METTL15: variants seen among roughly 807,000 people sequenced by gnomAD.
METTL15 encodes methyltransferase 15, mitochondrial 12S rRNA N4-cytidine.
In METTL15, 34 loss-of-function variants were observed where a neutral mutation model predicts 38.3. The observed-to-expected ratio is 0.89, with a 90% CI of 0.68 to 1.18. METTL15 has a LOEUF of 1.18. METTL15 is among the 50% of genes most tolerant of loss of function. The probability of loss-of-function intolerance (pLI) is 0.00; values close to 1 mark genes in which losing one functional copy is unlikely to be tolerated. For synonymous variants in METTL15, 162 were observed against 170.9 expected (o/e 0.95, Z 0.41); for missense variants, 438 against 498.4 (o/e 0.88, Z 1.15).
chr11:28,439,435 C>A (rs1004265358), intron 6 of METTL15, among the ~76,000 whole-genome samples: 1 of 152,178 alleles, frequency 6.6e-6, no homozygotes, highest in African/African-American at 2.4e-5. Context: ...CACGAGAGCT[C>A]AAGAAAATTC....
At chr11:28,398,186 T>G (rs886940902) in intron 5 of METTL15, among the ~76,000 whole-genome samples, 8 of 151,982 alleles carry the variant, frequency 5.3e-5, no homozygotes, top group African/African-American at 1.9e-4. Context: ...AACCTGCACG[T>G]TGTGCACATG....
chr11:28,365,850 G>A (rs752473755), intron 5 of METTL15, among the ~76,000 whole-genome samples: 2 of 152,150 alleles, frequency 1.3e-5, no homozygotes, highest in Non-Finnish European at 2.9e-5. Flanking sequence ...AGGAGAGTGA[G>A]ACCTTCCTGG....
chr11:28,122,070 T>C, intron 3 of METTL15: 1 of 927,778 alleles, frequency 1.1e-6, no homozygotes, highest in Non-Finnish European at 1.4e-6. Flanking sequence ...AGTTATAGTT[T>C]ATTAAAACTG....
At chr11:28,388,652 G>A (rs1210571898) in intron 5 of METTL15, among the ~76,000 whole-genome samples, 1 of 151,940 alleles carries the variant, frequency 6.6e-6, no homozygotes, top group African/African-American at 2.4e-5. Flanking sequence ...CAGACTCAAT[G>A]CAATCTCCAT....
intron 6 of METTL15, among the ~76,000 whole-genome samples, chr11:28,491,562 A>G (rs1851494764): frequency 6.6e-6 from 1 of 152,082 alleles, no homozygotes; most frequent in African/African-American, 2.4e-5. Flanking sequence ...AGCAGTTGCA[A>G]AAATAGAGGG....
chr11:28,382,473 T>G (rs1338287687), intron 5 of METTL15, among the ~76,000 whole-genome samples: 1 of 152,112 alleles, frequency 6.6e-6, no homozygotes, highest in Admixed American at 6.6e-5. Context: ...ATGTAGAAAC[T>G]GTGAGTCAGG....
rs1310737870 is a variant in METTL15 at position 28,305,211 on chromosome 11, G to GA, written c.778+8287dup. On this transcript the variant is annotated intron_variant, in intron 6 of 6. Transcript: ENST00000407364. ...CCAACTCAGAAGGGAATGGAATGTG[G>GA]AAAAAAAGAAAGAAAACCTGAGTAA... is the stretch of plus-strand genomic sequence containing the variant. Among the ~76,000 whole-genome samples the GA allele has an allele frequency of 2.6e-5, 4 of 152,092 alleles. No homozygotes were observed. The South Asian group carries it at 6.2e-4, about 24-fold the overall frequency.
intron 4 of METTL15, among the ~76,000 whole-genome samples, chr11:28,244,704 G>T (rs994013819): frequency 6.6e-6 from 1 of 152,150 alleles, no homozygotes; most frequent in East Asian, 1.9e-4. Flanking sequence ...TGGGACAAAG[G>T]TATACACTTT....
intron 5 of METTL15, among the ~76,000 whole-genome samples, chr11:28,413,499 A>G (rs1850747290): frequency 6.6e-6 from 1 of 152,174 alleles, no homozygotes; most frequent in Non-Finnish European, 1.5e-5. Flanking sequence ...TTCTCCACAT[A>G]GAAAACACTC....
At chr11:28,341,699 G>A (rs990644172) in intron 3 of METTL15, among the ~76,000 whole-genome samples, 7 of 152,000 alleles carry the variant, frequency 4.6e-5, no homozygotes, top group South Asian at 2.1e-4. Context: ...TTTAGTTACC[G>A]TTGTACTAGT....
At chr11:28,239,436 C>G (rs1272450354) in intron 4 of METTL15, among the ~76,000 whole-genome samples, 1 of 152,224 alleles carries the variant, frequency 6.6e-6, no homozygotes, top group African/African-American at 2.4e-5. Context: ...TTGACCCCTA[C>G]TTATCACCTT....
At chr11:28,188,017 C>T (rs959475614) in intron 3 of METTL15, among the ~76,000 whole-genome samples, 2 of 151,274 alleles carry the variant, frequency 1.3e-5, no homozygotes, top group African/African-American at 2.4e-5. Flanking sequence ...TAGCCATGTA[C>T]TCTTAGAGGT....
chr11:28,321,688 A>G (rs1374538374), intron 6 of METTL15, among the ~76,000 whole-genome samples: 1 of 152,100 alleles, frequency 6.6e-6, no homozygotes. Context: ...AGCAATTAAT[A>G]CATTGGAATA....
chr11:28,419,059 C>T (rs1041608875), intron 5 of METTL15, among the ~76,000 whole-genome samples: 7 of 152,180 alleles, frequency 4.6e-5, no homozygotes, highest in South Asian at 2.1e-4. Context: ...GGGGAGCATG[C>T]GACCTAGTGA....
chr11:28,214,954 G>A (rs1011996078), intron 4 of METTL15, among the ~76,000 whole-genome samples: 26 of 152,262 alleles, frequency 1.7e-4, no homozygotes, highest in Non-Finnish European at 2.2e-4. Flanking sequence ...AACAAAGAGA[G>A]GTTGACAAGA....
At chr11:28,377,644 C>A (rs1472947192) in intron 5 of METTL15, among the ~76,000 whole-genome samples, 1 of 152,130 alleles carries the variant, frequency 6.6e-6, no homozygotes, top group East Asian at 1.9e-4. Context: ...CGTCTGAAGC[C>A]TTCTTCTCTC....
intron 3 of METTL15, among the ~76,000 whole-genome samples, chr11:28,117,188 TTTG>T (rs1445617278): frequency 6.6e-6 from 1 of 150,842 alleles, no homozygotes; most frequent in African/African-American, 2.4e-5. Context: ...ATATGTGATA[TTTG>T]TTAGTGTGTG....
At chr11:28,375,366 G>T (rs1850296723) in intron 5 of METTL15, among the ~76,000 whole-genome samples, 1 of 151,876 alleles carries the variant, frequency 6.6e-6, no homozygotes, top group Admixed American at 6.6e-5. Context: ...TCTATTCAGA[G>T]ATTCAACTTC....
intron 5 of METTL15, among the ~76,000 whole-genome samples, chr11:28,390,835 A>G (rs565637492): frequency 2.0e-5 from 3 of 152,278 alleles, no homozygotes; most frequent in South Asian, 4.1e-4. Flanking sequence ...AGCCATTTTC[A>G]TGATATTGAT....
Sources: gnomAD v4.1 joint callset for allele counts (sites outside exome capture counted in the v4.1 genomes callset) on GRCh38, gnomAD v4.1.1 for gene constraint, MANE v1.5 for transcripts, NCBI Gene and HGNC (gene_info 2026-07-23, HGNC 2026-07-21) for gene names.